Variants in SYN2 observed in about 807,000 individuals in gnomAD.
SYN2 encodes the protein synapsin II, also known as synapsin-2.
SYN2 carries 19 observed loss-of-function variants against 50.9 expected under a neutral mutation model. The observed-to-expected ratio is 0.37, with a 90% CI of 0.26 to 0.55. The LOEUF (loss-of-function observed/expected upper bound fraction) is 0.55, where lower values mean the gene tolerates loss of function less well. Among genes scored for constraint, SYN2 ranks in the 20% least tolerant of loss-of-function variants. SYN2 has a pLI of 0.81. For synonymous variants in SYN2, 255 were observed against 224.9 expected (o/e 1.13, Z -1.20); for missense variants, 587 against 576.4 (o/e 1.02, Z -0.19).
At chr3:12,162,851 A>G (rs905281888) in intron 7 of SYN2, among the ~76,000 whole-genome samples, 4 of 152,244 alleles carry the variant, frequency 2.6e-5, no homozygotes, top group Admixed American at 6.5e-5. Context: ...AGAATTTAGT[A>G]AAGGAAAAGA....
intron 5 of SYN2, chr3:12,153,401 C>G: frequency 7.9e-7 from 1 of 1,268,334 alleles, no homozygotes; most frequent in South Asian, 1.3e-5. Context: ...CCACTTGGCA[C>G]TTCTTATTAG....
chr3:12,187,915 C>T (rs1698378481), intron 12 of SYN2, among the ~76,000 whole-genome samples: 2 of 152,220 alleles, frequency 1.3e-5, no homozygotes, highest in South Asian at 4.1e-4. Flanking sequence ...ACGGCAGAGT[C>T]ACTGTCCCTT....
Position 12,169,855 on chromosome 3 carries a change from CAGGACT to C in SYN2, c.1258_1263del (p.Arg420_Thr421del). 1 of 1,613,462 alleles carries C rather than the reference CAGGACT, an allele frequency of 6.2e-7. No homozygotes were observed. The highest frequency in any genetic ancestry group is 8.5e-7 in the Non-Finnish European group (1 of 1,179,672). ...TCAGCAAGATGAACCAGCTGCTGTC[CAGGACT>C]CCTGCCCTGTCTCCTCAGAGACCCC... On this transcript the variant is annotated inframe_deletion, in exon 10 of 13. Transcript: ENST00000621198.
chr3:12,044,193 A>T (rs930726319), intron 1 of SYN2, among the ~76,000 whole-genome samples: 274 of 147,034 alleles, frequency 1.9e-3, no homozygotes, highest in African/African-American at 6.3e-3. Flanking sequence ...ACACACACAC[A>T]CACACACACA....
At chr3:12,044,594 C>G (rs1694696521) in intron 1 of SYN2, among the ~76,000 whole-genome samples, 1 of 152,034 alleles carries the variant, frequency 6.6e-6, no homozygotes, top group Admixed American at 6.6e-5. Flanking sequence ...TAGGAGGAAT[C>G]CTTTTATGTT....
chr3:12,187,463 TTCC>T lies in SYN2; in HGVS notation c.1470_1472del (p.Ser496del). 1.4e-6 allele frequency: 2 copies of T among 1,401,936 alleles called. No homozygotes were observed. Among genetic ancestry groups the T allele is most frequent in the Non-Finnish European group, 2.0e-6 (2 of 1,021,466 alleles). 86.8% of individuals were successfully genotyped at this position (1,401,936 alleles called of 1,614,324 possible). ...GACCATCACTGCCACCTTCCTCCTCTTCCTCCTCTTCTTCCTCCTCCTCGGCTC... is the reference window on the plus strand; with the variant it reads ...GACCATCACTGCCACCTTCCTCCTCTTCCTCTTCTTCCTCCTCCTCGGCTC... On this transcript the variant is annotated inframe_deletion, in exon 12 of 13. Coordinates refer to ENST00000621198, the MANE Select transcript of SYN2 (RefSeq NM_133625.6).
intron 1 of SYN2, among the ~76,000 whole-genome samples, chr3:12,009,551 GA>G (rs1038593408): frequency 1.3e-5 from 2 of 152,100 alleles, no homozygotes; most frequent in Admixed American, 6.5e-5. Flanking sequence ...GAAAGAATGG[GA>G]ACTAAAACTC....
chr3:12,057,817 A>G (rs1384669109), intron 1 of SYN2, among the ~76,000 whole-genome samples: 1 of 152,238 alleles, frequency 6.6e-6, no homozygotes, highest in Non-Finnish European at 1.5e-5. Context: ...TTAAAAATAA[A>G]CATGTAAGTA....
chr3:12,188,726 G>A (rs1698392827), intron 12 of SYN2, among the ~76,000 whole-genome samples: 1 of 152,160 alleles, frequency 6.6e-6, no homozygotes, highest in African/African-American at 2.4e-5. Context: ...CCGTGTGATG[G>A]GAGGGGCATC....
intron 5 of SYN2, chr3:12,157,384 CCTTTA>C: frequency 1.2e-6 from 2 of 1,614,062 alleles, no homozygotes; most frequent in East Asian, 4.5e-5. Flanking sequence ...CCCCCATGTA[CCTTTA>C]TCTGTTTGAT....
intron 1 of SYN2, among the ~76,000 whole-genome samples, chr3:12,124,846 T>G (rs563807112): frequency 6.6e-6 from 1 of 152,230 alleles, no homozygotes; most frequent in African/African-American, 2.4e-5. Context: ...GGGGAAGGGA[T>G]GTAGAGGAAT....
intron 5 of SYN2, among the ~76,000 whole-genome samples, chr3:12,159,769 G>A (rs1270330005): frequency 1.3e-5 from 2 of 152,184 alleles, no homozygotes; most frequent in African/African-American, 2.4e-5. Context: ...CAGGCTGGGC[G>A]TGGTGGCTCA....
intron 5 of SYN2, among the ~76,000 whole-genome samples, chr3:12,152,818 C>T (rs1697339978): frequency 6.6e-6 from 1 of 152,190 alleles, no homozygotes; most frequent in Admixed American, 6.5e-5. Context: ...GGATAGTTAA[C>T]TTGGAGAGGT....
chr3:12,177,178 G>A (rs1376739185), intron 10 of SYN2, among the ~76,000 whole-genome samples: 2 of 152,178 alleles, frequency 1.3e-5, no homozygotes, highest in East Asian at 3.9e-4. Flanking sequence ...CTGGTATGAA[G>A]AGAAACAGAA....
Position 12,141,908 on chromosome 3 carries a change from G to T in SYN2, c.439G>T (p.Glu147Ter), listed in dbSNP as rs780525698. The T allele has an allele frequency of 1.3e-6, 1 of 780,860 alleles. No individual in the cohort carries two copies. The highest frequency in any genetic ancestry group is 2.4e-6 in the Non-Finnish European group (1 of 417,948). 48.4% of individuals were successfully genotyped at this position (780,860 alleles called of 1,614,324 possible). Residue 147 changes from glutamate (E) to a stop codon, truncating the protein, a stop_gained, in exon 3 of 13, where the codon GAA becomes TAA. Transcript: ENST00000621198. LOFTEE classifies it high-confidence loss of function. ...GDYDIKVEQA[E>*]FSELNLVAHA... ...TTCCCCTGTTATTATTTTCCAGGCAGAATTTTCAGAGCTCAACCTGGTGGC... is the reference window on the plus strand; with the variant it reads ...TTCCCCTGTTATTATTTTCCAGGCATAATTTTCAGAGCTCAACCTGGTGGC...
intron 1 of SYN2, among the ~76,000 whole-genome samples, chr3:12,079,446 A>C (rs963600602): frequency 6.6e-6 from 1 of 152,112 alleles, no homozygotes; most frequent in African/African-American, 2.4e-5. Flanking sequence ...GTTTGTCATA[A>C]ATGGCTCTTA....
chr3:12,169,299 A>C (rs1279943702), intron 9 of SYN2, among the ~76,000 whole-genome samples: 2 of 152,198 alleles, frequency 1.3e-5, no homozygotes, highest in Non-Finnish European at 2.9e-5. Flanking sequence ...GTTCAGGTAC[A>C]AAGGGATGAA....
chr3:12,127,535 C>G (rs546542226), intron 1 of SYN2, among the ~76,000 whole-genome samples: 96 of 152,304 alleles, frequency 6.3e-4, no homozygotes, highest in African/African-American at 2.3e-3. Flanking sequence ...CATGACTCTT[C>G]CAGAACAGTG....
intron 1 of SYN2, among the ~76,000 whole-genome samples, chr3:12,111,137 G>T (rs966602452): frequency 3.3e-5 from 5 of 152,138 alleles, no homozygotes; most frequent in Non-Finnish European, 5.9e-5. Flanking sequence ...AATTGAATCA[G>T]GGGGGCAGAT....
Sources: gnomAD v4.1 joint callset for allele counts (sites outside exome capture counted in the v4.1 genomes callset) on GRCh38, gnomAD v4.1.1 for gene constraint, MANE v1.5 for transcripts, NCBI Gene and HGNC (gene_info 2026-07-23, HGNC 2026-07-21) for gene names.